The following CNOT2 variants were observed in gnomAD, a reference collection of about 807,000 sequenced individuals.
CNOT2 encodes CCR4-NOT transcription complex subunit 2, also known as CC chemokine receptor 4-negative regulator of transcription 2.
Under a neutral mutation model 72.1 loss-of-function variants are expected in CNOT2, and 7 were observed. The observed-to-expected ratio is 0.10, with a 90% confidence interval of 0.06 to 0.18. CNOT2 has a LOEUF of 0.18. CNOT2 is among the 10% of genes least tolerant of loss of function. The probability of loss-of-function intolerance (pLI) is 1.00; values close to 1 mark genes in which losing one functional copy is unlikely to be tolerated. For missense variants in CNOT2, 345 were observed against 660.3 expected (o/e 0.52, Z 5.23); for synonymous variants, 196 against 225.6 (o/e 0.87, Z 1.17).
intron 2 of CNOT2, chr12:70,293,938 TTTA>T: frequency 9.8e-5 from 20 of 204,762 alleles, no homozygotes; most frequent in South Asian, 3.8e-4. Context: ...TTTTTTTTTT[TTTA>T]AACTTAGTAC....
intron 1 of CNOT2, among the ~76,000 whole-genome samples, chr12:70,250,038 C>T (rs1371834680): frequency 1.3e-5 from 2 of 152,094 alleles, no homozygotes; most frequent in African/African-American, 4.8e-5. Flanking sequence ...TTTGCTACAG[C>T]AAACCGGTTA....
chr12:70,249,459 T>C (rs1470707438), intron 1 of CNOT2, among the ~76,000 whole-genome samples: 1 of 151,860 alleles, frequency 6.6e-6, no homozygotes, highest in African/African-American at 2.4e-5. Context: ...ATAAGAAAAT[T>C]AGAAGTTGGG....
chr12:70,332,259 A>C (rs746484604), intron 6 of CNOT2: 1 of 151,866 alleles, frequency 6.6e-6, no homozygotes, highest in Non-Finnish European at 1.5e-5. Context: ...GGAGTTTAAC[A>C]TGGGAGGAGT....
intron 1 of CNOT2, among the ~76,000 whole-genome samples, chr12:70,258,581 C>T (rs747334549): frequency 2.6e-5 from 4 of 152,194 alleles, no homozygotes; most frequent in Non-Finnish European, 5.9e-5. Context: ...TTAACTCCTA[C>T]CGTGTGCCCC....
intron 1 of CNOT2, among the ~76,000 whole-genome samples, chr12:70,255,858 T>C (rs1353746870): frequency 1.3e-5 from 2 of 152,268 alleles, no homozygotes; most frequent in South Asian, 2.1e-4. Context: ...TTATAAAACA[T>C]ATTTGTAATA....
chr12:70,281,016 G>T (rs1869725346), intron 2 of CNOT2, among the ~76,000 whole-genome samples: 1 of 151,282 alleles, frequency 6.6e-6, no homozygotes, highest in African/African-American at 2.4e-5. Context: ...ACTTACCCTA[G>T]CTATGAGCAT....
intron 1 of CNOT2, among the ~76,000 whole-genome samples, chr12:70,253,727 A>T (rs1194983960): frequency 5.3e-5 from 8 of 152,188 alleles, no homozygotes; most frequent in Non-Finnish European, 1.0e-4. Flanking sequence ...AGCATGTCAA[A>T]GTATCATGAT....
At chr12:70,316,838 TA>T (rs1877418171) in intron 3 of CNOT2, among the ~76,000 whole-genome samples, 1 of 152,142 alleles carries the variant, frequency 6.6e-6, no homozygotes, top group South Asian at 2.1e-4. Context: ...AGAGGGCAGG[TA>T]GATACCCAGG....
intron 1 of CNOT2, chr12:70,244,199 C>T (rs950260016): frequency 6.6e-6 from 1 of 152,240 alleles, no homozygotes; most frequent in Non-Finnish European, 1.5e-5. Context: ...GGTGAAGCTT[C>T]CGTAGTGTCG....
chr12:70,269,488 A>G (rs34408417), intron 1 of CNOT2, among the ~76,000 whole-genome samples: 17,966 of 152,172 alleles, frequency 0.12, 1,423 homozygotes, highest in Non-Finnish European at 0.18. Context: ...TGAGGTCACC[A>G]GTTATATTGG....
intron 1 of CNOT2, among the ~76,000 whole-genome samples, chr12:70,277,182 C>A (rs1335856587): frequency 6.6e-6 from 1 of 151,978 alleles, no homozygotes; most frequent in African/African-American, 2.4e-5. Context: ...AGTAGGTATG[C>A]ATACTACTTC....
At position 70,314,277 on chromosome 12, in the gene CNOT2, A is replaced by G. The variant is rs562535825; in HGVS notation, c.171+3260A>G. ...GTAAGCCCTGGAAATCCTACTATGT[A>G]AGTTTTTATGTCAGCTACCTGATTT... is the stretch of plus-strand genomic sequence containing the variant. On this transcript the variant is annotated intron_variant, in intron 3 of 15. Transcript: ENST00000229195. 7.9e-5 allele frequency among the ~76,000 whole-genome samples: 12 copies of G among 152,232 alleles called. No homozygotes were observed. In the East Asian group the frequency reaches 2.3e-3, roughly 29 times the overall value.
In CNOT2 at chr12:70,346,434, A is replaced by G. The variant is rs142581741; in HGVS notation, c.1536+110A>G. On this transcript the variant is annotated intron_variant, in intron 15 of 15. Transcript: ENST00000229195. Reference sequence around the variant, plus strand: ...ATCCAGTTCCAGTAATGTGCCACATATTTGCCAACTGTTTAATTCCATCTC... The same window carrying G: ...ATCCAGTTCCAGTAATGTGCCACATGTTTGCCAACTGTTTAATTCCATCTC... The G allele has an allele frequency of 9.7e-6, 8 of 825,078 alleles. No individual in the cohort carries two copies. The East Asian group carries it at 2.1e-4, about 22-fold the overall frequency. 51.1% of individuals were successfully genotyped at this position (825,078 alleles called of 1,614,324 possible).
chr12:70,313,710 A>G (rs1228138215), intron 3 of CNOT2, among the ~76,000 whole-genome samples: 1 of 152,162 alleles, frequency 6.6e-6, no homozygotes, highest in Non-Finnish European at 1.5e-5. Context: ...CCTATTTTGT[A>G]TAATAGGCCT....
intron 2 of CNOT2, among the ~76,000 whole-genome samples, chr12:70,302,607 A>G (rs1166768075): frequency 1.3e-5 from 2 of 152,124 alleles, no homozygotes; most frequent in Non-Finnish European, 2.9e-5. Flanking sequence ...CTGATCTTTT[A>G]CATTTGCTGA....
intron 2 of CNOT2, among the ~76,000 whole-genome samples, chr12:70,295,803 T>G (rs1872716061): frequency 6.6e-6 from 1 of 152,210 alleles, no homozygotes; most frequent in African/African-American, 2.4e-5. Flanking sequence ...TTTAGGATGA[T>G]GCACTTAGCT....
chr12:70,263,691 C>T (rs1958886582), intron 1 of CNOT2, among the ~76,000 whole-genome samples: 1 of 150,054 alleles, frequency 6.7e-6, no homozygotes, highest in Non-Finnish European at 1.5e-5. Context: ...GGCTCTTAAA[C>T]AGGCAGTTTT....
intron 1 of CNOT2, among the ~76,000 whole-genome samples, chr12:70,255,161 A>G (rs1382069838): frequency 2.0e-5 from 3 of 152,052 alleles, no homozygotes; most frequent in Non-Finnish European, 2.9e-5. Context: ...ATGTATCTAT[A>G]GCAGGAAATT....
At chr12:70,244,624 C>T (rs961532794) in intron 1 of CNOT2, among the ~76,000 whole-genome samples, 12 of 152,166 alleles carry the variant, frequency 7.9e-5, no homozygotes, top group Admixed American at 1.3e-4. Flanking sequence ...GACATCTTCA[C>T]TTTTCAACAT....
Sources: gnomAD v4.1 joint callset for allele counts (sites outside exome capture counted in the v4.1 genomes callset) on GRCh38, gnomAD v4.1.1 for gene constraint, MANE v1.5 for transcripts, NCBI Gene and HGNC (gene_info 2026-07-23, HGNC 2026-07-21) for gene names.